Variants in NR6A1 observed in about 807,000 individuals in gnomAD.
NR6A1 encodes the protein nuclear receptor subfamily 6 group A member 1.
In NR6A1, 7 loss-of-function variants were observed where a neutral mutation model predicts 59.1. The observed-to-expected ratio is 0.12, with a 90% CI of 0.07 to 0.22. NR6A1 has a LOEUF of 0.22. Ranked by LOEUF, NR6A1 falls within the 10% of genes least tolerant of loss-of-function variation. NR6A1 has a pLI of 1.00. For missense variants in NR6A1, 468 were observed against 611.6 expected (o/e 0.77, Z 2.48); for synonymous variants, 243 against 236.1 (o/e 1.03, Z -0.27).
chr9:124,739,554 A>C (rs1840117510), intron 1 of NR6A1, among the ~76,000 whole-genome samples: 1 of 152,204 alleles, frequency 6.6e-6, no homozygotes, highest in African/African-American at 2.4e-5. Flanking sequence ...TCTAGGACCC[A>C]AGCAACCCTC....
chr9:124,590,570 T>G (rs1348800865), intron 2 of NR6A1, among the ~76,000 whole-genome samples: 2 of 152,240 alleles, frequency 1.3e-5, no homozygotes, highest in South Asian at 2.1e-4. Context: ...CTCACCTCTG[T>G]TCCTAGTGCT....
At chr9:124,608,006 A>C (rs1835620639) in intron 2 of NR6A1, among the ~76,000 whole-genome samples, 1 of 152,194 alleles carries the variant, frequency 6.6e-6, no homozygotes, top group South Asian at 2.1e-4. Flanking sequence ...CAGGAGGTTG[A>C]GGCTACAGTG....
At chr9:124,527,285 T>TACA (rs1465504241) in intron 7 of NR6A1, among the ~76,000 whole-genome samples, 8 of 152,206 alleles carry the variant, frequency 5.3e-5, no homozygotes. Context: ...ATTATTAAGA[T>TACA]ACAGCTATTG....
In NR6A1 at chr9:124,600,124, G is replaced by A. The variant is rs1293497693; in HGVS notation, c.143-45554C>T. 3.3e-5 allele frequency among the ~76,000 whole-genome samples: 5 copies of A among 152,312 alleles called. No individual in the cohort carries two copies. The East Asian group carries it at 9.6e-4, about 29-fold the overall frequency. On this transcript the variant is annotated intron_variant, in intron 2 of 9. Transcript: ENST00000487099. ...TGACCATTCTCAAGGAGAGGGACTTGTATCCATTTTAGAAAATCAGGAGCA... is the reference window on the plus strand; with the variant it reads ...TGACCATTCTCAAGGAGAGGGACTTATATCCATTTTAGAAAATCAGGAGCA...
At chr9:124,627,009 T>C (rs1162132530) in intron 2 of NR6A1, among the ~76,000 whole-genome samples, 1 of 152,126 alleles carries the variant, frequency 6.6e-6, no homozygotes, top group Non-Finnish European at 1.5e-5. Flanking sequence ...CTGATACATA[T>C]TTATTGGATA....
intron 2 of NR6A1, among the ~76,000 whole-genome samples, chr9:124,709,945 C>CG (rs1361939135): frequency 7.0e-6 from 1 of 142,040 alleles, no homozygotes; most frequent in Non-Finnish European, 1.5e-5. Context: ...GATTCCATCT[C>CG]GAAAAAAAAA....
chr9:124,746,760 C>T (rs563075909), intron 1 of NR6A1, among the ~76,000 whole-genome samples: 1 of 152,184 alleles, frequency 6.6e-6, no homozygotes, highest in South Asian at 2.1e-4. Flanking sequence ...TTTTTAGATG[C>T]TAAACTTTCC....
chr9:124,614,108 T>A (rs1835828106), intron 2 of NR6A1, among the ~76,000 whole-genome samples: 1 of 151,966 alleles, frequency 6.6e-6, no homozygotes, highest in Admixed American at 6.6e-5. Context: ...AGCTCAACAG[T>A]CCCAAGAGTT....
intron 2 of NR6A1, among the ~76,000 whole-genome samples, chr9:124,642,550 T>G (rs933200448): frequency 2.0e-5 from 3 of 152,334 alleles, no homozygotes; most frequent in African/African-American, 4.8e-5. Flanking sequence ...TGGCCTCTAC[T>G]TACTAGACAC....
intron 2 of NR6A1, among the ~76,000 whole-genome samples, chr9:124,591,031 C>A (rs1339911209): frequency 6.6e-6 from 1 of 152,108 alleles, no homozygotes; most frequent in Non-Finnish European, 1.5e-5. Context: ...ATTAACACTG[C>A]AATTGGTTCT....
chr9:124,604,985 C>T (rs1316727825), intron 2 of NR6A1, among the ~76,000 whole-genome samples: 2 of 150,722 alleles, frequency 1.3e-5, no homozygotes, highest in African/African-American at 2.5e-5. Context: ...AGAATAACAC[C>T]GTGAAATAAT....
At chr9:124,522,817 G>T in intron 9 of NR6A1, 24 bp from the exon 10 acceptor site, 1 of 1,553,876 alleles carries the variant, frequency 6.4e-7, no homozygotes, top group Middle Eastern at 1.7e-4. Context: ...GGGAGAAGAA[G>T]AGTTAGCAGT....
chr9:124,771,185 G>T lies in NR6A1; in HGVS notation c.-66C>A. Reference sequence around the variant, plus strand: ...CATGACCGGCGCCCTAGTCGCCGTGGTCGTCGTCCGCCGAGGGGAGGAGGT... The same window carrying T: ...CATGACCGGCGCCCTAGTCGCCGTGTTCGTCGTCCGCCGAGGGGAGGAGGT... On this transcript the variant is annotated 5_prime_UTR_variant, in exon 1 of 10. Transcript: ENST00000487099. 1 of 936,082 alleles carries T rather than the reference G, an allele frequency of 1.1e-6. No individual in the cohort carries two copies. The highest frequency in any genetic ancestry group is 1.4e-6 in the Non-Finnish European group (1 of 717,476). The allele number at this position is 936,082 out of a possible 1,614,324, so 58.0% of individuals were successfully genotyped here.
At chr9:124,765,265 C>G (rs182845546) in intron 1 of NR6A1, among the ~76,000 whole-genome samples, 1 of 152,176 alleles carries the variant, frequency 6.6e-6, no homozygotes, top group African/African-American at 2.4e-5. Context: ...CAAACACACA[C>G]TCCTTAAAGA....
intron 2 of NR6A1, among the ~76,000 whole-genome samples, chr9:124,562,427 GTTTTTTT>G (rs889871039): frequency 2.7e-5 from 4 of 147,360 alleles, no homozygotes; most frequent in Non-Finnish European, 4.5e-5. Flanking sequence ...AATGTTTTTT[GTTTTTTT>G]TTTGGATACA....
intron 1 of NR6A1, among the ~76,000 whole-genome samples, chr9:124,749,544 A>G (rs1426801831): frequency 6.6e-6 from 1 of 152,092 alleles, no homozygotes; most frequent in Non-Finnish European, 1.5e-5. Context: ...CCAATCAATA[A>G]AATAAATACG....
chr9:124,669,955 G>T (rs1028650032), intron 2 of NR6A1, among the ~76,000 whole-genome samples: 3 of 152,092 alleles, frequency 2.0e-5, no homozygotes, highest in African/African-American at 7.2e-5. Context: ...AATACTTACT[G>T]AATTAAGATT....
chr9:124,635,896 G>C (rs1451537407), intron 2 of NR6A1, among the ~76,000 whole-genome samples: 1 of 152,220 alleles, frequency 6.6e-6, no homozygotes, highest in Non-Finnish European at 1.5e-5. Context: ...AAAACTGCTA[G>C]ATCATATGGT....
rs755257289 is a variant in NR6A1, at chr9:124,522,772, A to G, written c.1376T>C (p.Leu459Pro). 6 of 1,591,704 alleles carry G rather than the reference A, an allele frequency of 3.8e-6. No homozygotes were observed. In the South Asian group the frequency reaches 6.9e-5, roughly 18 times the overall value. Residue 459 changes from leucine (L) to proline (P), a missense_variant, in exon 10 of 10, where the codon CTG becomes CCG. Physicochemically the swap from Leu to Pro is moderately conservative, Grantham distance 98. This residue lies in a region of NR6A1 where 176 missense variants were observed against 264.0 expected (regional missense o/e 0.67). Transcript: ENST00000487099. ...CTTAAAGAGGAGGGGCAGCTGCTCC[A>G]GGGGCACATTCACCATCTTTCCTGG... The part of the protein sequence containing the change: ...YIAGKMVNVP[L>P]EQLPLLFKVV...
Sources: gnomAD v4.1 joint callset for allele counts (sites outside exome capture counted in the v4.1 genomes callset) on GRCh38, gnomAD v4.1.1 for gene constraint, gnomAD v4.1.1 regional missense constraint, MANE v1.5 for transcripts, NCBI Gene and HGNC (gene_info 2026-07-23, HGNC 2026-07-21) for gene names.